Variants in MEX3C observed in about 807,000 individuals in gnomAD.
MEX3C encodes RNA-binding E3 ubiquitin-protein ligase MEX3C.
A neutral mutation model predicts 35.5 loss-of-function variants in MEX3C; 15 were observed. The observed-to-expected ratio is 0.42, with a 90% CI of 0.28 to 0.65. The LOEUF is 0.65. Among genes scored for constraint, MEX3C ranks in the 30% least tolerant of loss-of-function variants. MEX3C has a pLI of 0.20. For missense variants in MEX3C, 711 were observed against 842.8 expected, an observed-to-expected ratio of 0.84 and a Z score of 1.94; for synonymous variants, 390 against 352.8, an observed-to-expected ratio of 1.11 and a Z score of -1.18.
In MEX3C at chr18:51,196,615, C is replaced by T. The variant is rs987295114; in HGVS notation, c.706G>A (p.Val236Ile). 1 of 1,592,318 alleles carries T rather than the reference C, an allele frequency of 6.3e-7. No individual in the cohort carries two copies. The highest frequency in any genetic ancestry group is 8.5e-7 in the Non-Finnish European group (1 of 1,174,652). ...RRKSVNTTEC[V>I]PVPSSEHVAE... The stretch of plus-strand genomic sequence containing the variant: ...ACGTGCTCGGAGCTGGGCACCGGGA[C>T]GCACTCGGTGGTGTTGACGCTCTTT... Residue 236 changes from valine to isoleucine, a missense_variant, in exon 1 of 2, where the codon GTC (valine) becomes ATC (isoleucine). Coordinates refer to ENST00000406189, the MANE Select transcript of MEX3C (RefSeq NM_016626.5).
At chr18:51,184,527 C>G (rs756418227) in intron 1 of MEX3C, among the ~76,000 whole-genome samples, 5 of 152,148 alleles carry the variant, frequency 3.3e-5, no homozygotes, top group Admixed American at 2.0e-4. Context: ...CAATACCCTA[C>G]AAGACATTCT....
Position 51,179,004 on chromosome 18 carries a change from G to A in MEX3C, c.755-1428C>T, listed in dbSNP as rs564939602. Among the ~76,000 whole-genome samples the A allele has an allele frequency of 2.0e-5, 3 of 150,702 alleles. No homozygotes were observed. In the East Asian group the frequency reaches 5.9e-4, roughly 29 times the overall value. ...TATTCCTATATCACTTTAGTCAGATGATGCTTTTTTTCTTTTTGAGACAGA... is the reference window on the plus strand; with the variant it reads ...TATTCCTATATCACTTTAGTCAGATAATGCTTTTTTTCTTTTTGAGACAGA... On this transcript the variant is annotated intron_variant, in intron 1 of 1. Transcript: ENST00000406189.
At chr18:51,185,370 T>C (rs996728536) in intron 1 of MEX3C, among the ~76,000 whole-genome samples, 1 of 152,186 alleles carries the variant, frequency 6.6e-6, no homozygotes, top group Non-Finnish European at 1.5e-5. Context: ...CTTTTTCAGA[T>C]CTCAGACCCA....
intron 1 of MEX3C, chr18:51,195,148 C>T (rs1486553473): frequency 6.6e-6 from 1 of 152,198 alleles, no homozygotes; most frequent in South Asian, 2.1e-4. Context: ...CATGAATGGT[C>T]AACTCATTCT....
At chr18:51,188,979 G>T (rs1231126440) in intron 1 of MEX3C, among the ~76,000 whole-genome samples, 4 of 152,170 alleles carry the variant, frequency 2.6e-5, no homozygotes, top group Admixed American at 2.0e-4. Context: ...CACTTACTGA[G>T]ATAGGCACGT....
In MEX3C at chr18:51,176,557, C is replaced by T; in HGVS notation, c.1774G>A (p.Gly592Ser). The change falls in exon 2 of 2, where the codon GGT (glycine) becomes AGT (serine). Residue 592 changes from glycine to serine, a missense_variant. By Grantham distance (56) the Gly-to-Ser change is moderately conservative. Transcript: ENST00000406189. ...NGTNSYSSSN[G>S]GSTSSSPPES... The stretch of plus-strand genomic sequence containing the variant: ...GGAGGTGAGCTAGAGGTGGAACCAC[C>T]ATTGGAAGAGGAGTAACTATTGGTA... 1 of 1,613,930 alleles carries T rather than the reference C, an allele frequency of 6.2e-7. No homozygotes were observed. Among genetic ancestry groups the T allele is most frequent in the South Asian group, 1.1e-5 (1 of 91,078 alleles).
chr18:51,182,938 A>C (rs1465192329), intron 1 of MEX3C, among the ~76,000 whole-genome samples: 1 of 152,206 alleles, frequency 6.6e-6, no homozygotes, highest in Non-Finnish European at 1.5e-5. Context: ...AAACCACTAG[A>C]CAACATCACC....
intron 1 of MEX3C, among the ~76,000 whole-genome samples, chr18:51,190,470 T>C (rs1251617816): frequency 1.3e-5 from 2 of 152,206 alleles, no homozygotes; most frequent in African/African-American, 4.8e-5. Flanking sequence ...ATGCTTACCT[T>C]CAACTACATC....
At chr18:51,192,393 A>G (rs1412988430) in intron 1 of MEX3C, among the ~76,000 whole-genome samples, 3 of 152,176 alleles carry the variant, frequency 2.0e-5, no homozygotes, top group Admixed American at 6.5e-5. Context: ...TAAATTTTAA[A>G]GCCTAGAAAA....
Position 51,197,294 on chromosome 18 carries a change from C to T in MEX3C, c.27G>A (p.Leu9=). Residue 9 remains leucine, a synonymous_variant, in exon 1 of 2, where the codon CTG becomes CTA. Transcript: ENST00000406189. MPSGSSAA[L]ALAAAPAPLP... ...GGGGGGCCGGGGCCGCCGCCAGGGC[C>T]AGGGCCGCGGAGCTGCCGCTGGGCA... The T allele has an allele frequency of 1.4e-6, 1 of 698,150 alleles. No individual in the cohort carries two copies. The highest frequency in any genetic ancestry group is 2.0e-5 in the African/African-American group (1 of 50,942). 43.2% of individuals were successfully genotyped at this position (698,150 alleles called of 1,614,324 possible). A position where few individuals can be genotyped will look rare whatever the true frequency, so the allele number is the denominator to read the frequency against.
Position 51,196,766 on chromosome 18 carries a change from C to A in MEX3C, c.555G>T (p.Gly185=), listed in dbSNP as rs763316203. The A allele has an allele frequency of 4.7e-6, 7 of 1,494,594 alleles. 1 individual carries two copies. In the South Asian group the frequency reaches 8.6e-5, roughly 18 times the overall value. The allele number at this position is 1,494,594 out of a possible 1,614,324, so 92.6% of individuals were successfully genotyped here. ...REAAAAAAAA[G]VLYGGDDAQG... ...GGGCATCGTCCCCTCCGTACAGCAC[C>A]CCCGCCGCCGCCGCCGCGGCCGCCG... is the stretch of plus-strand genomic sequence containing the variant. The change falls in exon 1 of 2, where the codon GGG becomes GGT. Residue 185 remains glycine, a synonymous_variant. Coordinates refer to ENST00000406189, the MANE Select transcript of MEX3C (RefSeq NM_016626.5).
intron 1 of MEX3C, chr18:51,196,239 G>A (rs1457562223): frequency 9.6e-6 from 4 of 418,034 alleles, no homozygotes; most frequent in African/African-American, 2.1e-5. Context: ...ACAACTCCTC[G>A]AGCCCGACCT....
In MEX3C at chr18:51,176,202, T is replaced by TG. The variant is rs1272531643; in HGVS notation, c.*148_*149insC. On this transcript the variant is annotated 3_prime_UTR_variant, in exon 2 of 2. Coordinates refer to ENST00000406189, the MANE Select transcript of MEX3C (RefSeq NM_016626.5). ...AGGTTTAGTGTTACCATAGCAGCCT[T>TG]TTATAAGTTTACTAACAACTTTAGC... 9.4e-5 allele frequency: 74 copies of TG among 786,134 alleles called. No homozygotes were observed. The highest frequency in any genetic ancestry group is 1.3e-4 in the Non-Finnish European group (69 of 521,692). The allele number at this position is 786,134 out of a possible 1,614,324, so 48.7% of individuals were successfully genotyped here. A position where few individuals can be genotyped will look rare whatever the true frequency, so the allele number is the denominator to read the frequency against.
Position 51,176,291 on chromosome 18 carries a change from A to G in MEX3C, c.*60T>C. On this transcript the variant is annotated 3_prime_UTR_variant, in exon 2 of 2. Coordinates refer to ENST00000406189, the MANE Select transcript of MEX3C (RefSeq NM_016626.5). ...ATTAGGAAGTTTACTGGGGGGTACCATTATACCCATGCCTTTACGAGTCCA... is the reference window on the plus strand; with the variant it reads ...ATTAGGAAGTTTACTGGGGGGTACCGTTATACCCATGCCTTTACGAGTCCA... 2 of 1,440,548 alleles carry G rather than the reference A, an allele frequency of 1.4e-6. No individual in the cohort carries two copies. The highest frequency in any genetic ancestry group is 2.8e-5 in the South Asian group (2 of 70,710). 89.2% of individuals were successfully genotyped at this position (1,440,548 alleles called of 1,614,324 possible).
At chr18:51,182,326 A>C (rs1912450843) in intron 1 of MEX3C, among the ~76,000 whole-genome samples, 1 of 152,214 alleles carries the variant, frequency 6.6e-6, no homozygotes, top group South Asian at 2.1e-4. Flanking sequence ...AGCAGGGTAA[A>C]TGATTTCGTA....
At chr18:51,184,801 G>T (rs1407421151) in intron 1 of MEX3C, among the ~76,000 whole-genome samples, 3 of 151,960 alleles carry the variant, frequency 2.0e-5, no homozygotes, top group Non-Finnish European at 2.9e-5. Context: ...CAAGGCTGCA[G>T]AGATCCGAGA....
chr18:51,195,529 ATC>A (rs1377281266), intron 1 of MEX3C: 33 of 152,296 alleles, frequency 2.2e-4, no homozygotes, highest in African/African-American at 7.9e-4. Flanking sequence ...CAGCGCCATC[ATC>A]TCTCTTTATT....
Position 51,197,268 on chromosome 18 carries a change from A to G in MEX3C, c.53T>C (p.Leu18Pro). ...CGGCGGCGGCGGGGGCGGCTGCGGC[A>G]GGGGGGCCGGGGCCGCCGCCAGGGC... ...ALALAAAPAP[L>P]PQPPPPPPPP... Residue 18 changes from leucine (L) to proline (P), a missense_variant, in exon 1 of 2, where the codon CTG (leucine) becomes CCG (proline). Physicochemically the swap from Leu to Pro is moderately conservative, Grantham distance 98 (BLOSUM62 -3). This residue lies in a region of MEX3C where 354 missense variants were observed against 311.6 expected (regional missense o/e 1.14). Transcript: ENST00000406189. 1.1e-6 allele frequency: 1 copy of G among 895,250 alleles called. No homozygotes were observed. The highest frequency in any genetic ancestry group is 1.3e-6 in the Non-Finnish European group (1 of 752,260). 55.5% of individuals were successfully genotyped at this position (895,250 alleles called of 1,614,324 possible).
At chr18:51,185,801 C>G (rs1042995295) in intron 1 of MEX3C, among the ~76,000 whole-genome samples, 14 of 151,904 alleles carry the variant, frequency 9.2e-5, no homozygotes, top group African/African-American at 3.1e-4. Context: ...GGCTCATGTC[C>G]GTAATCCCAA....
Sources: allele counts gnomAD v4.1 joint callset (sites outside exome capture counted in the v4.1 genomes callset), GRCh38; gene constraint gnomAD v4.1.1; regional missense constraint gnomAD v4.1.1; transcripts MANE v1.5; gene names NCBI Gene and HGNC (gene_info 2026-07-23, HGNC 2026-07-21).